Variants in FHIT observed in about 807,000 individuals in gnomAD.
FHIT encodes the protein fragile histidine triad diadenosine triphosphatase.
A neutral mutation model predicts 17.9 loss-of-function variants in FHIT; 19 were observed. The observed-to-expected ratio is 1.06, with a 90% confidence interval of 0.74 to 1.56. FHIT has a LOEUF of 1.56. Ranked by LOEUF, FHIT falls within the 40% of genes most tolerant of loss-of-function variation. The pLI is 0.00. For synonymous variants in FHIT, 81 were observed against 69.7 expected (o/e 1.16, Z -0.81); for missense variants, 248 against 189.2 (o/e 1.31, Z -1.82).
intron 5 of FHIT, among the ~76,000 whole-genome samples, chr3:60,353,766 A>T (rs1699522951): frequency 6.6e-6 from 1 of 152,150 alleles, no homozygotes; most frequent in Non-Finnish European, 1.5e-5. Flanking sequence ...TCTGTAAAAA[A>T]GTCAATCTCA....
chr3:60,365,847 T>C (rs1169075622), intron 5 of FHIT, among the ~76,000 whole-genome samples: 1 of 152,196 alleles, frequency 6.6e-6, no homozygotes, highest in Non-Finnish European at 1.5e-5. Context: ...AACATTTTTC[T>C]TCCTCTCATG....
At chr3:61,226,019 T>A (rs2039962472) in intron 1 of FHIT, among the ~76,000 whole-genome samples, 1 of 152,218 alleles carries the variant, frequency 6.6e-6, no homozygotes, top group East Asian at 1.9e-4. Flanking sequence ...TCAGGAACAG[T>A]AGAATTTCTC....
intron 8 of FHIT, among the ~76,000 whole-genome samples, chr3:59,845,512 C>T (rs1345799239): frequency 2.0e-5 from 3 of 151,910 alleles, no homozygotes; most frequent in Admixed American, 6.6e-5. Flanking sequence ...TCTAATTCCC[C>T]TTGTGTTTTC....
chr3:60,327,458 A>C (rs1354305940), intron 5 of FHIT, among the ~76,000 whole-genome samples: 2 of 152,260 alleles, frequency 1.3e-5, no homozygotes, highest in Non-Finnish European at 2.9e-5. Flanking sequence ...ATATATAAAT[A>C]AACGGGCATG....
At chr3:59,886,031 T>C (rs373429906) in intron 8 of FHIT, among the ~76,000 whole-genome samples, 15 of 152,296 alleles carry the variant, frequency 9.8e-5, no homozygotes, top group South Asian at 8.3e-4. Flanking sequence ...CACCATTCCA[T>C]TGGGCAAGCT....
intron 4 of FHIT, among the ~76,000 whole-genome samples, chr3:60,663,153 G>GTGATATATGT (rs57146494): frequency 1.3e-5 from 1 of 78,196 alleles, no homozygotes; most frequent in South Asian, 4.7e-4. Context: ...ATTGGGTGGA[G>GTGATATATGT]ATATATATCT....
intron 1 of FHIT, among the ~76,000 whole-genome samples, chr3:61,213,089 T>G (rs1347378335): frequency 2.6e-5 from 4 of 152,136 alleles, no homozygotes; most frequent in African/African-American, 4.8e-5. Context: ...AGGAAGAAAC[T>G]GCATCAACTA....
At chr3:61,232,788 G>T (rs991476726) in intron 1 of FHIT, among the ~76,000 whole-genome samples, 2 of 152,152 alleles carry the variant, frequency 1.3e-5, no homozygotes, top group African/African-American at 4.8e-5. Flanking sequence ...GCCCAGTTTG[G>T]CTGAAAAGAC....
intron 1 of FHIT, among the ~76,000 whole-genome samples, chr3:61,225,409 A>G (rs1010791084): frequency 2.0e-5 from 3 of 152,348 alleles, no homozygotes; most frequent in Middle Eastern, 3.4e-3. Flanking sequence ...ACAGAACACA[A>G]ATGAATAGAA....
chr3:59,991,524 A>T (rs954353787), intron 7 of FHIT, among the ~76,000 whole-genome samples: 2 of 152,036 alleles, frequency 1.3e-5, no homozygotes, highest in African/African-American at 4.8e-5. Context: ...GGCTGTTATT[A>T]TAATCCCAAA....
chr3:60,714,480 G>C (rs1279970166), intron 4 of FHIT, among the ~76,000 whole-genome samples: 5 of 152,206 alleles, frequency 3.3e-5, no homozygotes, highest in African/African-American at 4.8e-5. Flanking sequence ...ATTAGGAAAA[G>C]AGGAAGTCAA....
At chr3:60,229,590 T>G (rs1704391729) in intron 5 of FHIT, among the ~76,000 whole-genome samples, 1 of 152,162 alleles carries the variant, frequency 6.6e-6, no homozygotes, top group African/African-American at 2.4e-5. Context: ...TTCAGAACCT[T>G]CTGTCTTTAG....
At chr3:59,852,211 G>A (rs1454675841) in intron 8 of FHIT, among the ~76,000 whole-genome samples, 1 of 152,026 alleles carries the variant, frequency 6.6e-6, no homozygotes, top group Admixed American at 6.6e-5. Context: ...AAACTCTTGG[G>A]TGGTGCTTTG....
chr3:61,085,685 G>C (rs528202230), intron 2 of FHIT, among the ~76,000 whole-genome samples: 3 of 151,948 alleles, frequency 2.0e-5, no homozygotes, highest in Non-Finnish European at 4.4e-5. Flanking sequence ...TTATATCTAA[G>C]AAATATTTGA....
At chr3:60,723,961 T>A (rs1553708714) in intron 4 of FHIT, among the ~76,000 whole-genome samples, 1 of 152,362 alleles carries the variant, frequency 6.6e-6, no homozygotes, top group Non-Finnish European at 1.5e-5. Context: ...CTGTGGCATC[T>A]CTTTTTTGTT....
chr3:60,893,477 A>T (rs9869618), intron 3 of FHIT, among the ~76,000 whole-genome samples: 3,364 of 152,258 alleles, frequency 0.022, 124 homozygotes, highest in African/African-American at 0.077. Context: ...AAGTGTACAA[A>T]TATATATTTA....
At chr3:59,917,679 T>C (rs930705291) in intron 8 of FHIT, among the ~76,000 whole-genome samples, 1 of 152,052 alleles carries the variant, frequency 6.6e-6, no homozygotes, top group African/African-American at 2.4e-5. Context: ...CAGCAGACAA[T>C]CTGCTTTGGA....
intron 5 of FHIT, among the ~76,000 whole-genome samples, chr3:60,458,916 C>A (rs1559931583): frequency 6.6e-6 from 1 of 151,112 alleles, no homozygotes; most frequent in East Asian, 2.0e-4. Flanking sequence ...GCTGGGACTA[C>A]AAATGTACAC....
chr3:60,708,669 T>G (rs186442982), intron 4 of FHIT, among the ~76,000 whole-genome samples: 3 of 152,276 alleles, frequency 2.0e-5, no homozygotes, highest in East Asian at 3.9e-4. Context: ...ATTCCAGACT[T>G]TAGGAGCCAA....
Sources: allele counts gnomAD v4.1 joint callset (sites outside exome capture counted in the v4.1 genomes callset), GRCh38; gene constraint gnomAD v4.1.1; transcripts MANE v1.5; gene names NCBI Gene and HGNC (gene_info 2026-07-23, HGNC 2026-07-21).